SPARC: variants seen among roughly 807,000 people sequenced by gnomAD.
The protein encoded by SPARC is basement-membrane protein 40.
In SPARC, 23 loss-of-function variants were observed where a neutral mutation model predicts 37.7. That is an observed-to-expected ratio of 0.61 (90% CI 0.44 to 0.87). The LOEUF is 0.87. SPARC is among the 40% of genes least tolerant of loss of function. SPARC has a pLI of 0.00. For synonymous variants in SPARC, 155 were observed against 150.8 expected, an observed-to-expected ratio of 1.03 and a Z score of -0.20; for missense variants, 312 against 389.0, an observed-to-expected ratio of 0.80 and a Z score of 1.66.
rs753908475 is a variant in SPARC, at chr5:151,663,586, C to T, written c.897G>A (p.Lys299=). The T allele has an allele frequency of 2.5e-6, 4 of 1,613,900 alleles. No individual in the cohort carries two copies. The African/African-American group carries it at 4.0e-5, about 16-fold the overall frequency. Residue 299 remains lysine (K), a synonymous_variant, in exon 10 of 10, where the codon AAG becomes AAA. Coordinates refer to ENST00000231061, the MANE Select transcript of SPARC (RefSeq NM_003118.4). ...CFGIKQKDID[K]DLVI is the part of the protein sequence containing the mutation. ...AGGAGTGGATTTAGATCACAAGATC[C>T]TTGTCGATATCCTCTGCAAAGCAAG...
At chr5:151,671,425 C>A (rs1316180896) in intron 5 of SPARC, 148 bp downstream of exon 5, 7 of 957,812 alleles carry the variant, frequency 7.3e-6, no homozygotes, top group Non-Finnish European at 9.1e-6. Flanking sequence ...GACTCATCCC[C>A]TCTTTCCTGC....
chr5:151,674,679 TG>T lies in SPARC; in HGVS notation c.58-6del, dbSNP rs1210135632. On this transcript the variant is annotated splice_polypyrimidine_tract_variant and splice_region_variant and intron_variant, in intron 2 of 9. Coordinates refer to ENST00000231061, the MANE Select transcript of SPARC (RefSeq NM_003118.4). The stretch of plus-strand genomic sequence containing the variant: ...ATCAGGCAGGGCTTCTTGCTGCTGT[TG>T]GAAAGAGAAAGTAGCGTTCAGAGGG... 1.2e-6 allele frequency: 2 copies of T among 1,614,028 alleles called. No homozygotes were observed.
intron 6 of SPARC, among the ~76,000 whole-genome samples, chr5:151,668,802 C>T (rs1236316769): frequency 6.6e-6 from 1 of 152,152 alleles, no homozygotes; most frequent in African/African-American, 2.4e-5. Flanking sequence ...CCCCAACCCT[C>T]CTTTTCTACT....
At chr5:151,678,417 C>G (rs954825418) in intron 1 of SPARC, among the ~76,000 whole-genome samples, 2 of 152,184 alleles carry the variant, frequency 1.3e-5, no homozygotes, top group Non-Finnish European at 2.9e-5. Flanking sequence ...CCACCCCCAT[C>G]CCTGCTGTTG....
chr5:151,676,088 G>T (rs140184323), intron 2 of SPARC, 44 bp downstream of exon 2: 352 of 1,536,382 alleles, frequency 2.3e-4, no homozygotes, highest in Non-Finnish European at 2.1e-4. Context: ...CCTGGTGCTA[G>T]CGGTAGGAAT....
chr5:151,671,362 T>C (rs1027682905), intron 5 of SPARC, among the ~76,000 whole-genome samples: 19 of 152,214 alleles, frequency 1.2e-4, no homozygotes, highest in Non-Finnish European at 2.2e-4. Context: ...CTGATGGTGC[T>C]GTTTAAAGTC....
chr5:151,683,289 G>C (rs2113121825), intron 1 of SPARC, among the ~76,000 whole-genome samples: 1 of 152,352 alleles, frequency 6.6e-6, no homozygotes, highest in South Asian at 2.1e-4. Flanking sequence ...AAAGCCACGT[G>C]GGCTGGAATA....
At chr5:151,667,392 G>A in intron 7 of SPARC, 75 bp downstream of exon 7, 1 of 1,581,054 alleles carries the variant, frequency 6.3e-7, no homozygotes, top group Non-Finnish European at 8.7e-7. Context: ...CCGCCCTGCA[G>A]CTGGGGGCCC....
chr5:151,677,280 C>T (rs1760878426), intron 1 of SPARC, among the ~76,000 whole-genome samples: 1 of 152,176 alleles, frequency 6.6e-6, no homozygotes, highest in Non-Finnish European at 1.5e-5. Flanking sequence ...CTCCCTCAAA[C>T]TTTCTGATCT....
intron 3 of SPARC, among the ~76,000 whole-genome samples, chr5:151,673,623 A>T (rs1473893698): frequency 6.6e-6 from 1 of 152,182 alleles, no homozygotes; most frequent in Non-Finnish European, 1.5e-5. Context: ...TAAATTGTGT[A>T]TTCAGGGGAA....
At position 151,667,538 on chromosome 5, in the gene SPARC, T is replaced by C. The variant is rs1760651784; in HGVS notation, c.514A>G (p.Lys172Glu). Residue 172 changes from lysine (K) to glutamate (E), a missense_variant, in exon 7 of 10, where the codon AAG (lysine) becomes GAG (glutamate). Coordinates refer to ENST00000231061, the MANE Select transcript of SPARC (RefSeq NM_003118.4). ...TCATACAGGGTGACCAGGACGTTCT[T>C]GAGCCAGTCCCGCATGCGCAGGGGG... ...EFPLRMRDWLKNVLVTLYERD... is the reference protein window; with the variant it reads ...EFPLRMRDWLENVLVTLYERD... The C allele has an allele frequency of 6.2e-7, 1 of 1,614,210 alleles. No homozygotes were observed. Among genetic ancestry groups the C allele is most frequent in the Non-Finnish European group, 8.5e-7 (1 of 1,180,018 alleles).
At chr5:151,677,208 T>TA (rs1166851629) in intron 1 of SPARC, among the ~76,000 whole-genome samples, 14 of 152,342 alleles carry the variant, frequency 9.2e-5, no homozygotes, top group Non-Finnish European at 1.5e-4. Context: ...TTGCACTAAC[T>TA]AAATGGCTTT....
chr5:151,682,374 TGTG>T (rs1239753599), intron 1 of SPARC, among the ~76,000 whole-genome samples: 2 of 152,238 alleles, frequency 1.3e-5, no homozygotes, highest in African/African-American at 4.8e-5. Context: ...GCTGCTGCAT[TGTG>T]GTGACCACAA....
At chr5:151,665,719 T>C (rs974470362) in intron 8 of SPARC, among the ~76,000 whole-genome samples, 5 of 152,212 alleles carry the variant, frequency 3.3e-5, no homozygotes, top group Admixed American at 3.3e-4. Context: ...GCAAGGACCA[T>C]GCCAGCTCTG....
intron 5 of SPARC, 25 bp from the exon 6 acceptor site, chr5:151,669,809 C>T (rs1018313565): frequency 4.3e-6 from 7 of 1,613,426 alleles, no homozygotes; most frequent in Non-Finnish European, 5.9e-6. Flanking sequence ...CAGAGTACCC[C>T]CTCCTTCATT....
At chr5:151,680,216 C>CT (rs58021431) in intron 1 of SPARC, among the ~76,000 whole-genome samples, 1,297 of 61,812 alleles carry the variant, frequency 0.021, 286 homozygotes, top group African/African-American at 0.047. Flanking sequence ...TGGAAAACAT[C>CT]TTTTTTTTTT....
chr5:151,676,473 C>A (rs1425016008), intron 1 of SPARC, among the ~76,000 whole-genome samples: 1 of 152,194 alleles, frequency 6.6e-6, no homozygotes, highest in Non-Finnish European at 1.5e-5. Context: ...CTCAGAGCTT[C>A]CACAGGAAGT....
chr5:151,665,103 TG>T (rs1437286445), intron 8 of SPARC, among the ~76,000 whole-genome samples: 1 of 152,164 alleles, frequency 6.6e-6, no homozygotes, highest in Non-Finnish European at 1.5e-5. Context: ...TTCATTGTAC[TG>T]GTGGAAAACT....
At chr5:151,684,186 T>A (rs1434569273) in intron 1 of SPARC, among the ~76,000 whole-genome samples, 1 of 151,524 alleles carries the variant, frequency 6.6e-6, no homozygotes, top group Non-Finnish European at 1.5e-5. Context: ...TAGCCCATCT[T>A]TTCTTGTTTT....
Sources: allele counts gnomAD v4.1 joint callset (sites outside exome capture counted in the v4.1 genomes callset), GRCh38; gene constraint gnomAD v4.1.1; transcripts MANE v1.5; gene names NCBI Gene and HGNC (gene_info 2026-07-23, HGNC 2026-07-21).